Variants in CCDC15 observed in about 807,000 individuals in gnomAD.
CCDC15 encodes the protein coiled-coil domain-containing protein 15.
In CCDC15, 105 loss-of-function variants were observed where a neutral mutation model predicts 114.5. The ratio of observed to expected loss-of-function variants is 0.92; its 90% confidence interval spans 0.78 to 1.08. The LOEUF (loss-of-function observed/expected upper bound fraction) is 1.08, where lower values mean the gene tolerates loss of function less well. Ranked by LOEUF, CCDC15 falls within the 50% of genes least tolerant of loss-of-function variation. CCDC15 has a pLI of 0.00. For synonymous variants in CCDC15, 334 were observed against 377.8 expected (o/e 0.88, Z 1.34); for missense variants, 1,105 against 1,093.6 (o/e 1.01, Z -0.15).
chr11:124,999,678 T>C (rs1253286301), intron 11 of CCDC15, among the ~76,000 whole-genome samples: 2 of 152,064 alleles, frequency 1.3e-5, no homozygotes, highest in African/African-American at 2.4e-5. Flanking sequence ...TTCACTTCAA[T>C]TGGGTTTGCC....
intron 13 of CCDC15, among the ~76,000 whole-genome samples, chr11:125,009,482 CT>C (rs931252540): frequency 4.1e-4 from 62 of 152,024 alleles, no homozygotes; most frequent in African/African-American, 1.5e-3. Context: ...TCTTTGGGGT[CT>C]TTTTGGTTTT....
chr11:124,986,700 T>TGTGTGTGTGTGTGTGCGCGC (rs878887902), intron 6 of CCDC15, 42 bp from the exon 7 acceptor site: 5 of 1,353,030 alleles, frequency 3.7e-6, no homozygotes, highest in Admixed American at 4.8e-5. Context: ...TTTGTGTGTG[T>TGTGTGTGTGTGTGTGCGCGC]GCGCGCGCGC....
Position 124,986,801 on chromosome 11 carries a change from A to G in CCDC15, c.813A>G (p.Lys271=). ...CTTCATCTCTTGTAACTGATGAGAA[A>G]GGGAAAGAAGATTTGTTTGGGAGAG... is the stretch of plus-strand genomic sequence containing the variant. ...EESSSLVTDE[K]GKEDLFGRGQ... Residue 271 remains lysine, a synonymous_variant, in exon 7 of 16, where the codon AAA becomes AAG. Transcript: ENST00000344762. 6.4e-7 allele frequency: 1 copy of G among 1,553,182 alleles called. No homozygotes were observed. Among genetic ancestry groups the G allele is most frequent in the African/African-American group, 1.4e-5 (1 of 73,238 alleles).
chr11:124,985,432 A>G (rs2135479166), intron 6 of CCDC15, among the ~76,000 whole-genome samples: 1 of 152,368 alleles, frequency 6.6e-6, no homozygotes, highest in Non-Finnish European at 1.5e-5. Context: ...ACTGCTAAAC[A>G]GTTTTCCACC....
At chr11:124,959,730 A>AAAAT in intron 3 of CCDC15, 85 bp from the exon 4 acceptor site, 1 of 904,410 alleles carries the variant, frequency 1.1e-6, no homozygotes, top group Non-Finnish European at 1.5e-6. Flanking sequence ...CCCAATTTAA[A>AAAAT]ATCTTCTGAA....
At chr11:124,964,941 G>A (rs1236941237) in intron 4 of CCDC15, among the ~76,000 whole-genome samples, 5 of 152,152 alleles carry the variant, frequency 3.3e-5, no homozygotes, top group South Asian at 2.1e-4. Context: ...GATGGCGTAC[G>A]TTTATTGATT....
chr11:124,998,414 C>G (rs541372839), intron 11 of CCDC15, among the ~76,000 whole-genome samples: 6 of 152,274 alleles, frequency 3.9e-5, no homozygotes, highest in African/African-American at 1.4e-4. Context: ...ATTGTGGCTT[C>G]AAGCAGAAGT....
chr11:124,995,739 A>G (rs1591598436), intron 11 of CCDC15, among the ~76,000 whole-genome samples: 2 of 152,198 alleles, frequency 1.3e-5, no homozygotes, highest in South Asian at 2.1e-4. Flanking sequence ...ACTCTGGACT[A>G]TTCAATTCAG....
intron 6 of CCDC15, among the ~76,000 whole-genome samples, chr11:124,979,113 C>T (rs938386342): frequency 2.6e-5 from 4 of 151,992 alleles, no homozygotes; most frequent in African/African-American, 9.7e-5. Flanking sequence ...TGTAGGTGTG[C>T]AGCATTATTT....
intron 11 of CCDC15, among the ~76,000 whole-genome samples, chr11:124,994,140 G>C (rs571684410): frequency 2.6e-5 from 4 of 152,240 alleles, no homozygotes; most frequent in African/African-American, 9.6e-5. Context: ...AAGTGTTTTT[G>C]TATCTTTTAG....
chr11:124,979,546 G>A (rs929859594), intron 6 of CCDC15, among the ~76,000 whole-genome samples: 2 of 152,022 alleles, frequency 1.3e-5, no homozygotes, highest in African/African-American at 2.4e-5. Flanking sequence ...TGTGGCTATT[G>A]TGAATAGGAT....
At chr11:124,988,172 TA>T (rs1172053386) in intron 8 of CCDC15, 38 bp downstream of exon 8, 1 of 1,567,680 alleles carries the variant, frequency 6.4e-7, no homozygotes, top group Admixed American at 1.9e-5. Flanking sequence ...AAAGAAGAAA[TA>T]AGCTACTTAG....
chr11:124,989,826 G>A (rs1475270301), intron 8 of CCDC15, among the ~76,000 whole-genome samples: 2 of 152,194 alleles, frequency 1.3e-5, no homozygotes, highest in Non-Finnish European at 2.9e-5. Context: ...AAGAGAGTTA[G>A]GGCCTTGCTC....
At chr11:125,025,756 G>T (rs1465165407) in intron 13 of CCDC15, among the ~76,000 whole-genome samples, 1 of 151,806 alleles carries the variant, frequency 6.6e-6, no homozygotes, top group Non-Finnish European at 1.5e-5. Flanking sequence ...ATGGCATAAA[G>T]TTCTTAATAT....
intron 4 of CCDC15, among the ~76,000 whole-genome samples, chr11:124,961,665 G>T (rs1376501705): frequency 2.6e-5 from 4 of 152,036 alleles, no homozygotes; most frequent in African/African-American, 9.7e-5. Context: ...AGTAGCTGGG[G>T]TAGGTGCCTG....
At chr11:125,037,752 T>C (rs1948785537) in intron 13 of CCDC15, among the ~76,000 whole-genome samples, 1 of 152,192 alleles carries the variant, frequency 6.6e-6, no homozygotes, top group Non-Finnish European at 1.5e-5. Flanking sequence ...TCATTTCTTG[T>C]ATTTGTTTGA....
chr11:124,988,039 G>T lies in CCDC15; in HGVS notation c.1813G>T (p.Asp605Tyr). The T allele has an allele frequency of 6.2e-7, 1 of 1,613,838 alleles. No individual in the cohort carries two copies. Among genetic ancestry groups the T allele is most frequent in the South Asian group, 1.1e-5 (1 of 91,076 alleles). ...KDQNILPICQ[D>Y]RDFLPRDLHV... ...CCAAAATATTCTACCCATATGTCAG[G>T]ACCGGGATTTTCTACCCAGAGACCT... Residue 605 changes from aspartate to tyrosine, a missense_variant, in exon 8 of 16, where the codon GAC (aspartate) becomes TAC (tyrosine). Physicochemically the swap from Asp to Tyr is radical, Grantham distance 160. Coordinates refer to ENST00000344762, the MANE Select transcript of CCDC15 (RefSeq NM_025004.3).
At chr11:124,976,432 C>T (rs1481874683) in intron 5 of CCDC15, among the ~76,000 whole-genome samples, 2 of 151,924 alleles carry the variant, frequency 1.3e-5, no homozygotes, top group Non-Finnish European at 2.9e-5. Context: ...ATCCCACGTG[C>T]GTTTATATGG....
In CCDC15 at chr11:124,991,497, G is replaced by T. The variant is rs372616952; in HGVS notation, c.1945G>T (p.Asp649Tyr). The change falls in exon 9 of 16, where the codon GAT (aspartate) becomes TAT (tyrosine). Residue 649 changes from aspartate to tyrosine, a missense_variant. Asp to Tyr is a radical substitution (Grantham distance 160, BLOSUM62 -3). Coordinates refer to ENST00000344762, the MANE Select transcript of CCDC15 (RefSeq NM_025004.3). ...TAAGGAGCCATACTCTGATATGACAGATGAGAAAGGGAGAGAAGACTTTTC... is the reference window on the plus strand; with the variant it reads ...TAAGGAGCCATACTCTGATATGACATATGAGAAAGGGAGAGAAGACTTTTC... ...HFKEPYSDMT[D>Y]EKGREDFSLA... The T allele has an allele frequency of 3.7e-6, 6 of 1,601,946 alleles. No homozygotes were observed. The African/African-American group carries it at 8.0e-5, about 21-fold the overall frequency.
Sources: gnomAD v4.1 joint callset for allele counts (sites outside exome capture counted in the v4.1 genomes callset) on GRCh38, gnomAD v4.1.1 for gene constraint, MANE v1.5 for transcripts, NCBI Gene and HGNC (gene_info 2026-07-23, HGNC 2026-07-21) for gene names.